The following FHIT variants were observed in gnomAD, a reference collection of about 807,000 sequenced individuals.
FHIT encodes fragile histidine triad diadenosine triphosphatase, also known as bis(5'-adenosyl)-triphosphatase.
FHIT carries 19 observed loss-of-function variants against 17.9 expected under a neutral mutation model. That is an observed-to-expected ratio of 1.06 (90% CI 0.74 to 1.56). FHIT has a LOEUF of 1.56. Among genes scored for constraint, FHIT ranks in the 40% most tolerant of loss-of-function variants. The probability of loss-of-function intolerance (pLI) is 0.00; values close to 1 mark genes in which losing one functional copy is unlikely to be tolerated. For synonymous variants in FHIT, 81 were observed against 69.7 expected, an observed-to-expected ratio of 1.16 and a Z score of -0.81; for missense variants, 248 against 189.2, an observed-to-expected ratio of 1.31 and a Z score of -1.82.
chr3:60,912,442 TG>T (rs1706794150), intron 3 of FHIT, among the ~76,000 whole-genome samples: 1 of 152,096 alleles, frequency 6.6e-6, no homozygotes, highest in Non-Finnish European at 1.5e-5. Context: ...AGGGATTAAG[TG>T]AGAAAATGTT....
At chr3:60,843,119 C>T (rs1357828889) in intron 3 of FHIT, among the ~76,000 whole-genome samples, 1 of 152,024 alleles carries the variant, frequency 6.6e-6, no homozygotes, top group Non-Finnish European at 1.5e-5. Context: ...GTTTAAAATT[C>T]ACGTAGGAAT....
intron 4 of FHIT, among the ~76,000 whole-genome samples, chr3:60,551,172 G>T (rs900472507): frequency 2.0e-5 from 3 of 151,954 alleles, no homozygotes; most frequent in Non-Finnish European, 2.9e-5. Context: ...CAGCAAGGCA[G>T]AGGTGAGGAG....
At position 60,178,379 on chromosome 3, in the gene FHIT, G is replaced by A. The variant is rs977733486; in HGVS notation, c.104-164227C>T. 9.9e-5 allele frequency among the ~76,000 whole-genome samples: 15 copies of A among 152,222 alleles called. No homozygotes were observed. In the East Asian group the frequency reaches 2.9e-3, roughly 29 times the overall value. The stretch of plus-strand genomic sequence containing the variant: ...AGGCGGGCGGATCACCTCAGGTCGG[G>A]AGTTCGAGACCAGCCTGGCCAACAT... On this transcript the variant is annotated intron_variant, in intron 5 of 9. Coordinates refer to ENST00000492590, the MANE Select transcript of FHIT (RefSeq NM_002012.4).
intron 4 of FHIT, among the ~76,000 whole-genome samples, chr3:60,561,054 GGA>G (rs1390474281): frequency 1.3e-5 from 2 of 151,852 alleles, no homozygotes; most frequent in African/African-American, 4.8e-5. Context: ...ATGAACAAAT[GGA>G]TTCATTCATT....
At chr3:61,031,249 G>A (rs113373507) in intron 3 of FHIT, among the ~76,000 whole-genome samples, 15 of 152,168 alleles carry the variant, frequency 9.9e-5, no homozygotes, top group African/African-American at 3.6e-4. Context: ...ACACAAACAA[G>A]TTATTAAAAT....
chr3:61,176,946 C>A (rs1009459179), intron 2 of FHIT, among the ~76,000 whole-genome samples: 1 of 152,110 alleles, frequency 6.6e-6, no homozygotes, highest in African/African-American at 2.4e-5. Context: ...GAGGCCGAGG[C>A]GGGCAGATCA....
At chr3:60,296,509 T>C (rs1708219105) in intron 5 of FHIT, among the ~76,000 whole-genome samples, 2 of 152,132 alleles carry the variant, frequency 1.3e-5, no homozygotes, top group Admixed American at 6.6e-5. Flanking sequence ...TTGTCTTTTT[T>C]GTTGTTGTTG....
At chr3:59,950,707 G>C (rs1471693003) in intron 7 of FHIT, among the ~76,000 whole-genome samples, 1 of 152,158 alleles carries the variant, frequency 6.6e-6, no homozygotes, top group East Asian at 1.9e-4. Context: ...GCCTCCAGGA[G>C]GGAAATGTAC....
intron 5 of FHIT, among the ~76,000 whole-genome samples, chr3:60,494,537 T>C (rs1336762912): frequency 6.6e-6 from 1 of 152,098 alleles, no homozygotes; most frequent in African/African-American, 2.4e-5. Flanking sequence ...AGTCACTCCG[T>C]TGCGCTATCA....
intron 5 of FHIT, among the ~76,000 whole-genome samples, chr3:60,395,992 C>T (rs1026593822): frequency 6.6e-6 from 1 of 152,074 alleles, no homozygotes; most frequent in African/African-American, 2.4e-5. Context: ...TGGCTACAAA[C>T]ACCACATCAC....
At position 60,425,271 on chromosome 3, in the gene FHIT, T is replaced by C. The variant is rs142112306; in HGVS notation, c.103+111589A>G. Among the ~76,000 whole-genome samples the C allele has an allele frequency of 4.6e-5, 7 of 152,248 alleles. No homozygotes were observed. In the East Asian group the frequency reaches 5.8e-4, roughly 13 times the overall value. On this transcript the variant is annotated intron_variant, in intron 5 of 9. Coordinates refer to ENST00000492590, the MANE Select transcript of FHIT (RefSeq NM_002012.4). ...AATTATGAACTGTGGTTGGCACTAA[T>C]AGAGAAGCAATGATTTTGTTTAATT...
intron 2 of FHIT, among the ~76,000 whole-genome samples, chr3:61,105,621 C>T (rs2035967826): frequency 6.6e-6 from 1 of 152,032 alleles, no homozygotes; most frequent in Non-Finnish European, 1.5e-5. Context: ...AGTCTGGGAT[C>T]AACTCTCCCT....
chr3:59,780,827 C>G (rs933459197), intron 8 of FHIT, among the ~76,000 whole-genome samples: 1 of 152,136 alleles, frequency 6.6e-6, no homozygotes, highest in Admixed American at 6.5e-5. Flanking sequence ...TTCTGTTTAA[C>G]CCGTTTAGTT....
chr3:60,087,607 C>T (rs1247500787), intron 5 of FHIT, among the ~76,000 whole-genome samples: 1 of 152,114 alleles, frequency 6.6e-6, no homozygotes, highest in Non-Finnish European at 1.5e-5. Context: ...CACCAGATAC[C>T]CCACCCTCAT....
intron 4 of FHIT, among the ~76,000 whole-genome samples, chr3:60,660,516 T>C (rs1553690798): frequency 2.0e-5 from 3 of 152,210 alleles, no homozygotes; most frequent in Non-Finnish European, 2.9e-5. Flanking sequence ...TCTAGAGTTC[T>C]AAAATAGTTA....
chr3:60,818,356 C>T (rs998093604), intron 4 of FHIT, among the ~76,000 whole-genome samples: 2 of 152,060 alleles, frequency 1.3e-5, no homozygotes, highest in African/African-American at 4.8e-5. Context: ...AGCTTCAATC[C>T]TGTTATAGTT....
At chr3:60,571,850 C>T (rs1451875242) in intron 4 of FHIT, among the ~76,000 whole-genome samples, 2 of 152,178 alleles carry the variant, frequency 1.3e-5, no homozygotes, top group Non-Finnish European at 2.9e-5. Flanking sequence ...GAAGAATTCT[C>T]TTTCCATAGC....
At chr3:60,331,664 T>C (rs1191159199) in intron 5 of FHIT, among the ~76,000 whole-genome samples, 1 of 152,032 alleles carries the variant, frequency 6.6e-6, no homozygotes, top group Admixed American at 6.6e-5. Flanking sequence ...CTGACCAACA[T>C]GGAGAAACCT....
chr3:60,673,853 T>G (rs1553694607), intron 4 of FHIT, among the ~76,000 whole-genome samples: 2 of 152,222 alleles, frequency 1.3e-5, no homozygotes, highest in African/African-American at 4.8e-5. Flanking sequence ...TTTTGGATTT[T>G]TATCAGTTGG....
Sources: gnomAD v4.1 joint callset for allele counts (sites outside exome capture counted in the v4.1 genomes callset) on GRCh38, gnomAD v4.1.1 for gene constraint, MANE v1.5 for transcripts, NCBI Gene and HGNC (gene_info 2026-07-23, HGNC 2026-07-21) for gene names.